Variants in ATRNL1 observed in about 807,000 individuals in gnomAD.
The protein encoded by ATRNL1 is attractin-like protein 1.
Under a neutral mutation model 182.7 loss-of-function variants are expected in ATRNL1, and 95 were observed. That is an observed-to-expected ratio of 0.52 (90% CI 0.44 to 0.62). The LOEUF is 0.62. Among genes scored for constraint, ATRNL1 ranks in the 20% least tolerant of loss-of-function variants. The pLI, the probability that ATRNL1 is intolerant of heterozygous loss-of-function variation, is 0.00. For missense variants in ATRNL1, 1,471 were observed against 1,679.5 expected, an observed-to-expected ratio of 0.88 and a Z score of 2.17; for synonymous variants, 576 against 568.3, an observed-to-expected ratio of 1.01 and a Z score of -0.19.
chr10:115,105,457 T>A (rs1554865671), intron 1 of ATRNL1, among the ~76,000 whole-genome samples: 1 of 152,266 alleles, frequency 6.6e-6, no homozygotes, highest in Middle Eastern at 3.2e-3. Flanking sequence ...TTAAGCCAGC[T>A]GCAGAAATTT....
intron 26 of ATRNL1, among the ~76,000 whole-genome samples, chr10:115,575,156 G>A (rs558715037): frequency 1.2e-3 from 185 of 152,138 alleles, no homozygotes; most frequent in African/African-American, 4.3e-3. Context: ...TTTTAAAAAT[G>A]ATTTAAGTAG....
At chr10:115,616,743 C>T (rs1857447961) in intron 26 of ATRNL1, among the ~76,000 whole-genome samples, 1 of 152,226 alleles carries the variant, frequency 6.6e-6, no homozygotes. Context: ...AGCCATAAGC[C>T]TTGGTGGCTT....
At chr10:115,187,609 G>A (rs533603052) in intron 8 of ATRNL1, among the ~76,000 whole-genome samples, 1 of 145,288 alleles carries the variant, frequency 6.9e-6, no homozygotes. Context: ...TTGTACAAAT[G>A]TTAAATTTCT....
chr10:115,868,457 T>C (rs957104967), intron 28 of ATRNL1, among the ~76,000 whole-genome samples: 2 of 152,190 alleles, frequency 1.3e-5, no homozygotes, highest in Admixed American at 1.3e-4. Flanking sequence ...CCTCCTTAAC[T>C]AAACTAAGAG....
intron 28 of ATRNL1, among the ~76,000 whole-genome samples, chr10:115,875,862 C>G (rs1951688422): frequency 6.6e-6 from 1 of 152,102 alleles, no homozygotes; most frequent in African/African-American, 2.4e-5. Flanking sequence ...CAAGGGTTCT[C>G]CACTTAGATT....
intron 25 of ATRNL1, among the ~76,000 whole-genome samples, chr10:115,549,179 T>C (rs1852829011): frequency 6.6e-6 from 1 of 152,078 alleles, no homozygotes; most frequent in South Asian, 2.1e-4. Flanking sequence ...TTCTGTTGCT[T>C]CATAAGACCA....
intron 26 of ATRNL1, among the ~76,000 whole-genome samples, chr10:115,594,738 C>A (rs147390286): frequency 6.6e-6 from 1 of 152,264 alleles, no homozygotes; most frequent in East Asian, 1.9e-4. Context: ...CTCCTGACTT[C>A]AAGTGATCCA....
intron 26 of ATRNL1, among the ~76,000 whole-genome samples, chr10:115,660,725 A>G (rs921611691): frequency 2.0e-5 from 3 of 152,130 alleles, no homozygotes; most frequent in Admixed American, 1.3e-4. Context: ...GAGATGAGAA[A>G]GTAGAGTGAG....
chr10:115,372,338 T>C (rs1290026122), intron 19 of ATRNL1, among the ~76,000 whole-genome samples: 4 of 152,218 alleles, frequency 2.6e-5, no homozygotes, highest in Admixed American at 2.6e-4. Context: ...TGTGGATTGC[T>C]TCTTTGGCTC....
At chr10:115,675,329 A>G (rs1353388432) in intron 26 of ATRNL1, among the ~76,000 whole-genome samples, 1 of 152,080 alleles carries the variant, frequency 6.6e-6, no homozygotes, top group Non-Finnish European at 1.5e-5. Context: ...GCGACTGCAC[A>G]CTCCAGCTCC....
chr10:115,684,879 T>A (rs1477598173), intron 26 of ATRNL1, among the ~76,000 whole-genome samples: 1 of 151,790 alleles, frequency 6.6e-6, no homozygotes, highest in Non-Finnish European at 1.5e-5. Flanking sequence ...ATGTTAGTCT[T>A]CCTCCTCATT....
At chr10:115,513,802 G>C (rs2133683560) in intron 24 of ATRNL1, among the ~76,000 whole-genome samples, 1 of 151,968 alleles carries the variant, frequency 6.6e-6, no homozygotes, top group East Asian at 1.9e-4. Flanking sequence ...GGAACATTTT[G>C]AAATATTTGT....
chr10:115,726,494 T>C (rs1411419237), intron 26 of ATRNL1, among the ~76,000 whole-genome samples: 2 of 152,220 alleles, frequency 1.3e-5, no homozygotes, highest in African/African-American at 4.8e-5. Flanking sequence ...AATATCATAA[T>C]TACAAGGAGA....
At chr10:115,934,175 G>C (rs1327331641) in intron 28 of ATRNL1, among the ~76,000 whole-genome samples, 2 of 152,170 alleles carry the variant, frequency 1.3e-5, no homozygotes, top group Non-Finnish European at 2.9e-5. Context: ...ATAGACCAGA[G>C]CTAAGCTGTG....
intron 28 of ATRNL1, among the ~76,000 whole-genome samples, chr10:115,865,003 A>G (rs1230172079): frequency 6.6e-6 from 1 of 151,558 alleles, no homozygotes; most frequent in African/African-American, 2.4e-5. Flanking sequence ...AAAAGAAAAG[A>G]CCAGACAAAT....
intron 24 of ATRNL1, among the ~76,000 whole-genome samples, chr10:115,475,071 T>C (rs782557495): frequency 2.6e-5 from 4 of 151,500 alleles, no homozygotes; most frequent in Non-Finnish European, 5.9e-5. Context: ...TTTTCAGTTA[T>C]GTCTGTGAAG....
chr10:115,568,341 A>T (rs1395195213), intron 26 of ATRNL1, among the ~76,000 whole-genome samples: 1 of 152,104 alleles, frequency 6.6e-6, no homozygotes, highest in Non-Finnish European at 1.5e-5. Flanking sequence ...TAATTTAATT[A>T]TCTGAATACA....
In ATRNL1 at chr10:115,897,762, A is replaced by C. The variant is rs551130396; in HGVS notation, c.4019-46896A>C. Among the ~76,000 whole-genome samples, 31 of 152,320 alleles carry C rather than the reference A, an allele frequency of 2.0e-4. No individual in the cohort carries two copies. In the South Asian group the frequency reaches 5.8e-3, roughly 29 times the overall value. ...CCGGATTTTTAAACTAAAATGTAAA[A>C]GAAAACACAGTGCGGATCATAACCA... On this transcript the variant is annotated intron_variant, in intron 28 of 28. Transcript: ENST00000355044.
intron 6 of ATRNL1, among the ~76,000 whole-genome samples, chr10:115,164,978 A>G (rs1294744897): frequency 6.6e-6 from 1 of 152,070 alleles, no homozygotes; most frequent in Non-Finnish European, 1.5e-5. Context: ...AAGAAATGTT[A>G]TGCTCCCAAC....
Sources: allele counts gnomAD v4.1 joint callset (sites outside exome capture counted in the v4.1 genomes callset), GRCh38; gene constraint gnomAD v4.1.1; transcripts MANE v1.5; gene names NCBI Gene and HGNC (gene_info 2026-07-23, HGNC 2026-07-21).